Variants in RAP1B observed in about 807,000 individuals in gnomAD.
RAP1B encodes RAP1B, member of RAS oncogene family.
A neutral mutation model predicts 27.5 loss-of-function variants in RAP1B; 1 was observed. The ratio of observed to expected loss-of-function variants is 0.04; its 90% CI spans 0.01 to 0.17. The LOEUF (loss-of-function observed/expected upper bound fraction) is 0.17, where lower values mean the gene tolerates loss of function less well. RAP1B is among the 10% of genes least tolerant of loss of function. The pLI, the probability that RAP1B is intolerant of heterozygous loss-of-function variation, is 1.00. For missense variants in RAP1B, 84 were observed against 214.8 expected (o/e 0.39, Z 3.81); for synonymous variants, 75 against 73.1 (o/e 1.03, Z -0.13).
chr12:68,645,378 T>C (rs1348441780), intron 1 of RAP1B, among the ~76,000 whole-genome samples: 14 of 152,262 alleles, frequency 9.2e-5, no homozygotes, highest in Non-Finnish European at 1.5e-5. Flanking sequence ...AAGAGAACAA[T>C]TAGTCTCAAT....
chr12:68,616,273 G>T lies in RAP1B; in HGVS notation c.-27+5230G>T, dbSNP rs187072433. 6.9e-3 allele frequency among the ~76,000 whole-genome samples: 1,020 copies of T among 146,898 alleles called. 10 individuals are homozygous for T. Among genetic ancestry groups the T allele is most frequent in the African/African-American group, 0.024 (943 of 39,840 alleles). ...CACTGTGCCCGGCCTTTGTTTTTTT[G>T]TTGTTGTTGTTTTGTTTTTTGTTTT... On this transcript the variant is annotated intron_variant, in intron 1 of 7. Coordinates refer to ENST00000250559, the MANE Select transcript of RAP1B (RefSeq NM_001010942.3).
intron 1 of RAP1B, among the ~76,000 whole-genome samples, chr12:68,646,984 C>G (rs902693853): frequency 8.5e-5 from 13 of 152,186 alleles, no homozygotes; most frequent in Admixed American, 8.5e-4. Flanking sequence ...AAGGCCATCT[C>G]TTTACTTTAA....
chr12:68,660,645 C>T lies in RAP1B; in HGVS notation c.*1396C>T, dbSNP rs968602391. On this transcript the variant is annotated 3_prime_UTR_variant, in exon 8 of 8. Coordinates refer to ENST00000250559, the MANE Select transcript of RAP1B (RefSeq NM_001010942.3). ...ACAGCATGGTTTCATAATTTAACAT[C>T]TGGGCAAGCCAGACTCATTAATTAC... 6.6e-6 allele frequency: 1 copy of T among 152,506 alleles called. No individual in the cohort carries two copies. The highest frequency in any genetic ancestry group is 1.5e-5 in the Non-Finnish European group (1 of 68,030). The allele number at this position is 152,506 out of a possible 1,614,324, so 9.4% of individuals were successfully genotyped here. A position where few individuals can be genotyped will look rare whatever the true frequency, so the allele number is the denominator to read the frequency against.
chr12:68,666,679 AACAG>A lies in RAP1B; in HGVS notation c.*7436_*7439del, dbSNP rs752092483. 5 of 152,252 alleles carry A rather than the reference AACAG, an allele frequency of 3.3e-5. No individual in the cohort carries two copies. The highest frequency in any genetic ancestry group is 5.9e-5 in the Non-Finnish European group (4 of 68,044). The allele number at this position is 152,252 out of a possible 1,614,324, so 9.4% of individuals were successfully genotyped here. A position where few individuals can be genotyped will look rare whatever the true frequency, so the allele number is the denominator to read the frequency against. On this transcript the variant is annotated 3_prime_UTR_variant, in exon 8 of 8. Transcript: ENST00000250559. ...AAAGACACTTTTTTCAAATAAAGTT[AACAG>A]ACAGAAGTTTGGGGGTTGGGATGTG... is the stretch of plus-strand genomic sequence containing the variant.
chr12:68,616,506 G>A (rs1212267498), intron 1 of RAP1B, among the ~76,000 whole-genome samples: 2 of 146,868 alleles, frequency 1.4e-5, no homozygotes, highest in Non-Finnish European at 1.5e-5. Flanking sequence ...GAGTGCAGTG[G>A]TGCAATCTCA....
chr12:68,653,481 A>G (rs1413563020), intron 4 of RAP1B, among the ~76,000 whole-genome samples: 2 of 152,164 alleles, frequency 1.3e-5, no homozygotes, highest in Non-Finnish European at 2.9e-5. Context: ...GTCATAGCTA[A>G]TAGATTAACT....
At chr12:68,655,667 C>T (rs1334548296) in intron 5 of RAP1B, among the ~76,000 whole-genome samples, 1 of 151,832 alleles carries the variant, frequency 6.6e-6, no homozygotes, top group Admixed American at 6.6e-5. Flanking sequence ...TCCCAAGTAG[C>T]TGGAATTACA....
rs1209716605 is a variant in RAP1B at position 68,662,067 on chromosome 12, A to G, written c.*2818A>G. 7 of 147,752 alleles carry G rather than the reference A, an allele frequency of 4.7e-5. No individual in the cohort carries two copies. The highest frequency in any genetic ancestry group is 7.4e-5 in the African/African-American group (3 of 40,616). The allele number at this position is 147,752 out of a possible 1,614,324, so 9.2% of individuals were successfully genotyped here. ...GTACATATATAGAGAGAGTATATAT[A>G]TATATGTAGTACAGTGGAGGTCTAT... On this transcript the variant is annotated 3_prime_UTR_variant, in exon 8 of 8. Transcript: ENST00000250559.
intron 1 of RAP1B, among the ~76,000 whole-genome samples, chr12:68,632,981 T>C (rs1419062514): frequency 6.6e-6 from 1 of 152,200 alleles, no homozygotes; most frequent in African/African-American, 2.4e-5. Context: ...TGGCAGGCGA[T>C]TTTTATATGT....
chr12:68,625,900 G>A (rs147538785), intron 1 of RAP1B, among the ~76,000 whole-genome samples: 70 of 150,882 alleles, frequency 4.6e-4, no homozygotes, highest in African/African-American at 1.6e-3. Flanking sequence ...CCAGTCTGGC[G>A]ATAGAGCGAG....
intron 1 of RAP1B, among the ~76,000 whole-genome samples, chr12:68,634,940 A>G (rs532979158): frequency 7.9e-5 from 12 of 152,204 alleles, no homozygotes; most frequent in South Asian, 4.1e-4. Context: ...TTCTTGAGGT[A>G]TTATAAATAT....
chr12:68,613,137 A>G (rs1197033036), intron 1 of RAP1B, among the ~76,000 whole-genome samples: 1 of 152,102 alleles, frequency 6.6e-6, no homozygotes, highest in Non-Finnish European at 1.5e-5. Flanking sequence ...AGGAAGGCGG[A>G]TCATTTGAGG....
intron 4 of RAP1B, among the ~76,000 whole-genome samples, chr12:68,653,551 A>G (rs1873970787): frequency 6.6e-6 from 1 of 152,184 alleles, no homozygotes; most frequent in Middle Eastern, 3.2e-3. Context: ...TGCCTTTAGT[A>G]ACTTTTGGGG....
rs1016720720 is a variant in RAP1B at position 68,666,742 on chromosome 12, A to C, written c.*7493A>C. 5.3e-5 allele frequency: 8 copies of C among 152,284 alleles called. No homozygotes were observed. The highest frequency in any genetic ancestry group is 1.9e-4 in the African/African-American group (8 of 41,550). 9.4% of individuals were successfully genotyped at this position (152,284 alleles called of 1,614,324 possible). ...TTTGGGAGCCATTAACAACCTACCA[A>C]AACATTTTAACAATTTTTCAGTACC... On this transcript the variant is annotated 3_prime_UTR_variant, in exon 8 of 8. Transcript: ENST00000250559.
chr12:68,657,245 T>A, intron 7 of RAP1B, 28 bp downstream of exon 7: 8 of 1,427,858 alleles, frequency 5.6e-6, no homozygotes, highest in Non-Finnish European at 6.9e-6. Context: ...TCCTCTAACT[T>A]TTAATCACTC....
intron 4 of RAP1B, among the ~76,000 whole-genome samples, chr12:68,653,783 T>C (rs1229167863): frequency 6.6e-6 from 1 of 151,802 alleles, no homozygotes; most frequent in Non-Finnish European, 1.5e-5. Flanking sequence ...AGAAAAAAAT[T>C]AGCCGGGCAT....
intron 2 of RAP1B, 21 bp downstream of exon 2, chr12:68,648,802 C>T (rs1873607971): frequency 6.3e-7 from 1 of 1,594,232 alleles, no homozygotes; most frequent in African/African-American, 1.4e-5. Context: ...CTTACTTTAC[C>T]TAAGCCTTTC....
At chr12:68,630,796 C>T (rs1486690182) in intron 1 of RAP1B, among the ~76,000 whole-genome samples, 1 of 152,002 alleles carries the variant, frequency 6.6e-6, no homozygotes, top group Non-Finnish European at 1.5e-5. Flanking sequence ...CTTTCACCTC[C>T]CATCCTCCCG....
intron 1 of RAP1B, among the ~76,000 whole-genome samples, chr12:68,631,638 T>A (rs543062240): frequency 3.2e-4 from 49 of 152,354 alleles, no homozygotes; most frequent in African/African-American, 1.2e-3. Context: ...CATGTTATGC[T>A]GCCTTTTGTG....
Sources: gnomAD v4.1 joint callset for allele counts (sites outside exome capture counted in the v4.1 genomes callset) on GRCh38, gnomAD v4.1.1 for gene constraint, MANE v1.5 for transcripts, NCBI Gene and HGNC (gene_info 2026-07-23, HGNC 2026-07-21) for gene names.